Variants in ATG5 observed in about 807,000 individuals in gnomAD.
ATG5 encodes autophagy protein 5.
A neutral mutation model predicts 36.5 loss-of-function variants in ATG5; 14 were observed. That is an observed-to-expected ratio of 0.38 (90% CI 0.25 to 0.60). The LOEUF (loss-of-function observed/expected upper bound fraction) is 0.60, where lower values mean the gene tolerates loss of function less well. ATG5 is among the 20% of genes least tolerant of loss of function. ATG5 has a pLI of 0.60. For missense variants in ATG5, 195 were observed against 326.7 expected (o/e 0.60, Z 3.11); for synonymous variants, 95 against 101.5 (o/e 0.94, Z 0.38).
Position 106,184,554 on chromosome 6 carries a change from T to A in ATG5, c.*1986A>T, listed in dbSNP as rs899559468. 1 of 152,344 alleles carries A rather than the reference T, an allele frequency of 6.6e-6. No homozygotes were observed. The highest frequency in any genetic ancestry group is 1.9e-4 in the East Asian group (1 of 5,342). 9.4% of individuals were successfully genotyped at this position (152,344 alleles called of 1,614,324 possible). A position where few individuals can be genotyped will look rare whatever the true frequency, so the allele number is the denominator to read the frequency against. ...CAAAAATAGATTATTTAAGCCAGCA[T>A]GAATTTCTGGTTTTACTCTTCCTCT... is the stretch of plus-strand genomic sequence containing the variant. On this transcript the variant is annotated 3_prime_UTR_variant, in exon 8 of 8. Coordinates refer to ENST00000369076, the MANE Select transcript of ATG5 (RefSeq NM_004849.4).
At chr6:106,271,081 C>A (rs1368215902) in intron 5 of ATG5, among the ~76,000 whole-genome samples, 2 of 152,192 alleles carry the variant, frequency 1.3e-5, no homozygotes. Context: ...TCTCATCACT[C>A]CCCTGCTTAA....
intron 6 of ATG5, among the ~76,000 whole-genome samples, chr6:106,216,986 G>A (rs2114412576): frequency 6.6e-6 from 1 of 151,926 alleles, no homozygotes; most frequent in South Asian, 2.1e-4. Context: ...TATCATATGG[G>A]TGGCAGGGGA....
chr6:106,227,207 A>C lies in ATG5; in HGVS notation c.573+20943T>G, dbSNP rs1777483841. Among the ~76,000 whole-genome samples the C allele has an allele frequency of 2.6e-5, 4 of 152,214 alleles. No individual in the cohort carries two copies. In the South Asian group the frequency reaches 8.3e-4, roughly 32 times the overall value. ...GACTCTCAAAACAGGCAAGGGACTT[A>C]TGTACAAAACATCTTCAGATTAATA... On this transcript the variant is annotated intron_variant, in intron 6 of 7. Transcript: ENST00000369076.
At chr6:106,240,079 A>G (rs145602566) in intron 6 of ATG5, among the ~76,000 whole-genome samples, 31 of 151,928 alleles carry the variant, frequency 2.0e-4, no homozygotes, top group Admixed American at 5.3e-4. Flanking sequence ...TGCAGCCTCA[A>G]CCTCCCAGGT....
intron 7 of ATG5, among the ~76,000 whole-genome samples, chr6:106,195,937 A>C (rs1776167204): frequency 6.6e-6 from 1 of 152,200 alleles, no homozygotes; most frequent in African/African-American, 2.4e-5. Flanking sequence ...ACAGCTTCAC[A>C]AATTTGTGTG....
intron 5 of ATG5, among the ~76,000 whole-genome samples, chr6:106,251,926 C>T (rs1300886853): frequency 1.3e-5 from 2 of 151,950 alleles, no homozygotes; most frequent in Non-Finnish European, 2.9e-5. Context: ...CTGCAACCTC[C>T]ACCTCCCAGG....
rs754881363 is a variant in ATG5 at position 106,308,356 on chromosome 6, T to C, written c.236+8A>G. On this transcript the variant is annotated splice_region_variant and intron_variant, in intron 3 of 7. Transcript: ENST00000369076. Reference sequence around the variant, plus strand: ...TTAATGCTTAATAATGCAGAAAAATTCACTCACCATTTCAGTGGTGTGCCT... The same window carrying C: ...TTAATGCTTAATAATGCAGAAAAATCCACTCACCATTTCAGTGGTGTGCCT... 5.2e-6 allele frequency: 8 copies of C among 1,549,718 alleles called. No individual in the cohort carries two copies. In the Admixed American group the frequency reaches 1.7e-4, roughly 34 times the overall value.
intron 5 of ATG5, among the ~76,000 whole-genome samples, chr6:106,275,934 A>AT (rs1779627492): frequency 6.6e-6 from 1 of 152,234 alleles, no homozygotes; most frequent in African/African-American, 2.4e-5. Context: ...ACGACAATAC[A>AT]TAAGTGAATG....
intron 5 of ATG5, among the ~76,000 whole-genome samples, chr6:106,273,753 G>A (rs186918369): frequency 2.3e-3 from 344 of 152,228 alleles, no homozygotes; most frequent in Non-Finnish European, 4.0e-3. Context: ...TCTACTATAA[G>A]CAGAAGTAGT....
intron 6 of ATG5, among the ~76,000 whole-genome samples, chr6:106,228,709 CT>C (rs1459578472): frequency 6.6e-6 from 1 of 152,162 alleles, no homozygotes; most frequent in East Asian, 1.9e-4. Flanking sequence ...TATTGGACCA[CT>C]TTTGCTTGCT....
intron 1 of ATG5, among the ~76,000 whole-genome samples, chr6:106,323,966 G>A (rs1483354142): frequency 6.6e-6 from 1 of 152,088 alleles, no homozygotes; most frequent in Non-Finnish European, 1.5e-5. Context: ...GGCTTCAGTG[G>A]CAGCTCCTTC....
chr6:106,274,464 T>C (rs1244174195), intron 5 of ATG5, among the ~76,000 whole-genome samples: 1 of 152,194 alleles, frequency 6.6e-6, no homozygotes, highest in Non-Finnish European at 1.5e-5. Flanking sequence ...TATTCAAAAA[T>C]TGTTTAAACT....
chr6:106,279,649 T>C lies in ATG5; in HGVS notation c.478+12A>G, dbSNP rs1168613294. ...AAAGTGGTATTCTAAAATTAAACAC[T>C]ATTATACTTACCATTTTGCAATCCC... On this transcript the variant is annotated intron_variant, in intron 5 of 7. Transcript: ENST00000369076. 3 of 1,561,342 alleles carry C rather than the reference T, an allele frequency of 1.9e-6. No homozygotes were observed. Among genetic ancestry groups the C allele is most frequent in the Non-Finnish European group, 2.6e-6 (3 of 1,151,402 alleles).
chr6:106,324,890 C>G (rs1771230557), intron 1 of ATG5, among the ~76,000 whole-genome samples: 1 of 152,188 alleles, frequency 6.6e-6, no homozygotes, highest in African/African-American at 2.4e-5. Flanking sequence ...CAAGCCAATT[C>G]TGGAAGGCTT....
chr6:106,247,288 G>A (rs1159778623), intron 6 of ATG5, among the ~76,000 whole-genome samples: 2 of 151,736 alleles, frequency 1.3e-5, no homozygotes, highest in Non-Finnish European at 2.9e-5. Context: ...CTCATTAATA[G>A]TATGTAACTT....
chr6:106,313,234 T>C (rs1562270909), intron 2 of ATG5, among the ~76,000 whole-genome samples: 1 of 152,120 alleles, frequency 6.6e-6, no homozygotes, highest in East Asian at 1.9e-4. Context: ...TTTGCAGATT[T>C]GGTGACAGAA....
At chr6:106,227,201 G>T (rs1021722268) in intron 6 of ATG5, among the ~76,000 whole-genome samples, 4 of 152,074 alleles carry the variant, frequency 2.6e-5, no homozygotes, top group African/African-American at 9.7e-5. Context: ...AACAGGCAAG[G>T]GACTTATGTA....
intron 5 of ATG5, among the ~76,000 whole-genome samples, chr6:106,255,847 G>A (rs1384518904): frequency 1.3e-5 from 2 of 152,150 alleles, no homozygotes; most frequent in African/African-American, 4.8e-5. Flanking sequence ...CAGCACAGTG[G>A]TAGGCCAGGA....
intron 5 of ATG5, among the ~76,000 whole-genome samples, chr6:106,269,773 C>G (rs1246071250): frequency 1.1e-4 from 17 of 152,222 alleles, no homozygotes; most frequent in Admixed American, 1.1e-3. Context: ...CCCCGGTTCC[C>G]GCTCGCGCCT....
Sources: gnomAD v4.1 joint callset for allele counts (sites outside exome capture counted in the v4.1 genomes callset) on GRCh38, gnomAD v4.1.1 for gene constraint, MANE v1.5 for transcripts, NCBI Gene and HGNC (gene_info 2026-07-23, HGNC 2026-07-21) for gene names.